Variants in CLPSL1 observed in about 807,000 individuals in gnomAD.
CLPSL1 encodes the protein colipase like 1.
A neutral mutation model predicts 9.3 loss-of-function variants in CLPSL1; 13 were observed. The ratio of observed to expected loss-of-function variants is 1.40; its 90% CI spans 0.91 to 2.22. The LOEUF (loss-of-function observed/expected upper bound fraction) is 2.22, where lower values mean the gene tolerates loss of function less well. Among genes scored for constraint, CLPSL1 ranks in the 30% most tolerant of loss-of-function variants. The probability of loss-of-function intolerance (pLI) is 0.00; values close to 1 mark genes in which losing one functional copy is unlikely to be tolerated. For missense variants in CLPSL1, 164 were observed against 146.6 expected, an observed-to-expected ratio of 1.12 and a Z score of -0.61; for synonymous variants, 58 against 56.9, an observed-to-expected ratio of 1.02 and a Z score of -0.08.
chr6:35,782,192 G>C (rs1016677816), intron 1 of CLPSL1, among the ~76,000 whole-genome samples: 1 of 152,170 alleles, frequency 6.6e-6, no homozygotes, highest in East Asian at 1.9e-4. Flanking sequence ...AAGGTGGAGG[G>C]AACAGCCAGG....
chr6:35,788,583 C>T (rs527866462), downstream of CLPSL1, among the ~76,000 whole-genome samples: 6 of 134,820 alleles, frequency 4.5e-5, no homozygotes, highest in African/African-American at 1.7e-4. Flanking sequence ...GTTATCACCT[C>T]TGTTTTACAG....
At chr6:35,792,743 C>T (rs1023132975), downstream of CLPSL1, among the ~76,000 whole-genome samples, 18 of 152,258 alleles carry the variant, frequency 1.2e-4, no homozygotes, top group South Asian at 4.1e-4. Flanking sequence ...GTCCAAAACA[C>T]GGTGCCAGGC....
At chr6:35,792,098 A>AAAATAAATAAAT (rs112994835), downstream of CLPSL1, among the ~76,000 whole-genome samples, 925 of 149,638 alleles carry the variant, frequency 6.2e-3, no homozygotes, top group Non-Finnish European at 7.4e-3. Flanking sequence ...CCCCGCCACA[A>AAAATAAATAAAT]AAATAAATAA....
intron 1 of CLPSL1, chr6:35,793,425 C>CAA (rs10642987): frequency 0.066 from 26,251 of 398,642 alleles, 371 homozygotes; most frequent in Middle Eastern, 0.1. Flanking sequence ...AACTCTGTCT[C>CAA]AAAAAAAAAA....
At chr6:35,792,993 A>G (rs114637856), downstream of CLPSL1, among the ~76,000 whole-genome samples, 273 of 152,382 alleles carry the variant, frequency 1.8e-3, no homozygotes, top group Admixed American at 4.4e-3. Context: ...TTGGGCATCA[A>G]TGAACCTGGC....
rs1768116201 is a variant in CLPSL1, at chr6:35,787,908, C to A, written c.264C>A (p.Asn88Lys). ...ATAGAGCGTGTCCCTGCCTGCGGAA[C>A]CTGACTTGTATATATTCAAAGAATG... Reference protein sequence around the residue: ...GQYRACPCLRNLTCIYSKNEK... With the variant: ...GQYRACPCLRKLTCIYSKNEK... Residue 88 changes from asparagine (N) to lysine (K), a missense_variant, in exon 3 of 3, where the codon AAC becomes AAA. By Grantham distance (94) the Asn-to-Lys change is moderately conservative (BLOSUM62 0). Coordinates refer to ENST00000373861, the MANE Select transcript of CLPSL1 (RefSeq NM_001010886.5). The A allele has an allele frequency of 6.2e-7, 1 of 1,608,924 alleles. No individual in the cohort carries two copies. Among genetic ancestry groups the A allele is most frequent in the Non-Finnish European group, 8.5e-7 (1 of 1,175,318 alleles).
rs1290896384 is a variant in CLPSL1, at chr6:35,788,081, C to G, written c.*71C>G. On this transcript the variant is annotated 3_prime_UTR_variant, in exon 3 of 3. Transcript: ENST00000373861. ...CCCTACCCAGAGCTCTGTGTTCACC[C>G]TGTTCCCCAGAGCCTCCACCATGAG... The G allele has an allele frequency of 4.0e-6, 5 of 1,237,260 alleles. No individual in the cohort carries two copies. The highest frequency in any genetic ancestry group is 4.7e-6 in the Non-Finnish European group (4 of 855,102). 76.6% of individuals were successfully genotyped at this position (1,237,260 alleles called of 1,614,324 possible).
intron 1 of CLPSL1, among the ~76,000 whole-genome samples, chr6:35,783,474 C>T (rs891216242): frequency 2.6e-5 from 4 of 151,202 alleles, no homozygotes; most frequent in Non-Finnish European, 4.4e-5. Flanking sequence ...AGTGCCATTG[C>T]ACTCCAGCCT....
chr6:35,786,323 T>G (rs1264434752), intron 1 of CLPSL1, among the ~76,000 whole-genome samples: 1 of 152,242 alleles, frequency 6.6e-6, no homozygotes, highest in Non-Finnish European at 1.5e-5. Flanking sequence ...TGCTCAGTAG[T>G]GGCTAGTGGC....
chr6:35,791,960 C>T (rs1034365086), downstream of CLPSL1, among the ~76,000 whole-genome samples: 6 of 151,486 alleles, frequency 4.0e-5, no homozygotes, highest in Non-Finnish European at 8.9e-5. Context: ...GTGGCATGTG[C>T]CTGTAGTCCC....
intron 1 of CLPSL1, 148 bp from the exon 2 acceptor site, chr6:35,786,850 A>G: frequency 8.7e-6 from 9 of 1,034,752 alleles, no homozygotes; most frequent in Non-Finnish European, 1.3e-5. Context: ...CCCGGCCCCC[A>G]CGTAGAGACC....
At chr6:35,783,865 G>T (rs561364233) in intron 1 of CLPSL1, among the ~76,000 whole-genome samples, 1 of 149,896 alleles carries the variant, frequency 6.7e-6, no homozygotes, top group Non-Finnish European at 1.5e-5. Flanking sequence ...CTGTGATACC[G>T]TATCATTTCA....
intron 1 of CLPSL1, among the ~76,000 whole-genome samples, chr6:35,785,457 G>C (rs145194082): frequency 0.032 from 4,829 of 152,118 alleles, 96 homozygotes; most frequent in Middle Eastern, 0.061. Flanking sequence ...GATTACAGGC[G>C]TGAGCCACCA....
intron 1 of CLPSL1, among the ~76,000 whole-genome samples, chr6:35,786,549 A>C (rs1388825772): frequency 1.3e-5 from 2 of 152,182 alleles, no homozygotes; most frequent in Non-Finnish European, 2.9e-5. Context: ...GGTGGCTGTG[A>C]TCAATAATGT....
intron 1 of CLPSL1, among the ~76,000 whole-genome samples, chr6:35,785,993 G>A (rs867730554): frequency 2.0e-5 from 3 of 151,442 alleles, no homozygotes; most frequent in East Asian, 1.9e-4. Flanking sequence ...GGTTGGGCGC[G>A]GTGGCTCATG....
At chr6:35,785,377 C>T (rs1218127303) in intron 1 of CLPSL1, among the ~76,000 whole-genome samples, 1 of 151,968 alleles carries the variant, frequency 6.6e-6, no homozygotes, top group Non-Finnish European at 1.5e-5. Context: ...CGGGGTTTCA[C>T]CGTGTTAGCC....
At chr6:35,792,516 C>T (rs1254548858), downstream of CLPSL1, among the ~76,000 whole-genome samples, 1 of 152,264 alleles carries the variant, frequency 6.6e-6, no homozygotes, top group Non-Finnish European at 1.5e-5. Context: ...TGGGGACCAT[C>T]TGGTTCCTTG....
At chr6:35,787,306 C>T (rs964876914) in intron 2 of CLPSL1, among the ~76,000 whole-genome samples, 186 bp downstream of exon 2, 10 of 152,270 alleles carry the variant, frequency 6.6e-5, no homozygotes, top group Non-Finnish European at 1.0e-4. Flanking sequence ...TATGGTAGCC[C>T]ACCCTAGGGT....
chr6:35,787,805 G>A (rs1768112163), intron 2 of CLPSL1, 62 bp from the exon 3 acceptor site: 1 of 1,534,836 alleles, frequency 6.5e-7, no homozygotes, highest in Admixed American at 1.7e-5. Context: ...GGGCTGGGCT[G>A]GGCTTAGGGG....
Sources: gnomAD v4.1 joint callset for allele counts (sites outside exome capture counted in the v4.1 genomes callset) on GRCh38, gnomAD v4.1.1 for gene constraint, MANE v1.5 for transcripts, NCBI Gene and HGNC (gene_info 2026-07-23, HGNC 2026-07-21) for gene names.